SMARCA1: variants seen among roughly 807,000 people sequenced by gnomAD.
The protein encoded by SMARCA1 is SNF2 related chromatin remodeling ATPase 1, also known as SWI/SNF-related matrix-associated actin-dependent regulator of chromatin subfamily A member 1.
Under a neutral mutation model 93.6 loss-of-function variants are expected in SMARCA1, and 17 were observed. The ratio of observed to expected loss-of-function variants is 0.18; its 90% CI spans 0.12 to 0.27. SMARCA1 has a LOEUF of 0.27. Ranked by LOEUF, SMARCA1 falls within the 10% of genes least tolerant of loss-of-function variation. The probability of loss-of-function intolerance (pLI) is 1.00; values close to 1 mark genes in which losing one functional copy is unlikely to be tolerated. For synonymous variants in SMARCA1, 271 were observed against 271.4 expected (o/e 1.00, Z 0.01); for missense variants, 630 against 819.0 (o/e 0.77, Z 2.82).
chrX:129,516,711 C>G (rs1197044715), intron 2 of SMARCA1, among the ~76,000 whole-genome samples: 1 of 111,367 alleles, frequency 9.0e-6, no homozygotes, highest in African/African-American at 3.3e-5. Flanking sequence ...CAACCTTGCA[C>G]AGCTAATAAG....
At chrX:129,504,937 GCTA>G in intron 8 of SMARCA1, 135 bp from the exon 9 acceptor site, 1 of 434,459 alleles carries the variant, frequency 2.3e-6, no homozygotes, top group East Asian at 4.0e-5. Flanking sequence ...AGCTGTGATA[GCTA>G]CTATTATTTA....
Position 129,490,130 on chromosome X carries a change from G to T in SMARCA1, c.1878C>A (p.Asn626Lys), listed in dbSNP as rs759657628. The T allele has an allele frequency of 1.4e-5, 17 of 1,186,342 alleles. No homozygotes were observed. Among genetic ancestry groups the T allele is most frequent in the African/African-American group, 3.5e-5 (2 of 57,357 alleles). Residue 626 changes from asparagine to lysine, a missense_variant, in exon 15 of 25, where the codon AAC becomes AAA. By Grantham distance (94) the Asn-to-Lys change is moderately conservative. Coordinates refer to ENST00000371121, the MANE Select transcript of SMARCA1 (RefSeq NM_001282874.2). ...PVRVFRLITD[N>K]TVEERIVERA... ...TTTCTACAATCCTCTCTTCAACAGT[G>T]TTGTCAGTGATGAGACGGAATACAC...
intron 23 of SMARCA1, among the ~76,000 whole-genome samples, chrX:129,464,397 T>G (rs1327985023): frequency 1.8e-5 from 2 of 112,556 alleles, no homozygotes; most frequent in African/African-American, 6.5e-5. Context: ...TGGTTGCTTT[T>G]AATTTTTAGG....
At chrX:129,509,494 T>C (rs868594670) in intron 6 of SMARCA1, among the ~76,000 whole-genome samples, 1 of 111,655 alleles carries the variant, frequency 9.0e-6, no homozygotes, top group South Asian at 3.8e-4. Flanking sequence ...CCAGACCCCA[T>C]TCAGTCGTGC....
intron 5 of SMARCA1, among the ~76,000 whole-genome samples, chrX:129,513,534 T>TTA (rs60158529): frequency 4.9e-5 from 5 of 102,834 alleles, no homozygotes; most frequent in Admixed American, 1.1e-4. Context: ...CAAAAAAAAA[T>TTA]TATATATATA....
At chrX:129,500,146 G>T in intron 9 of SMARCA1, among the ~76,000 whole-genome samples, 1 of 106,169 alleles carries the variant, frequency 9.4e-6, no homozygotes. Context: ...AAAAGAAGCT[G>T]CTGTAACACA....
intron 12 of SMARCA1, among the ~76,000 whole-genome samples, chrX:129,494,961 C>CA (rs980991038): frequency 8.9e-6 from 1 of 112,345 alleles, no homozygotes; most frequent in African/African-American, 3.2e-5. Context: ...AAACTGATGA[C>CA]AAAAAAACAA....
intron 24 of SMARCA1, among the ~76,000 whole-genome samples, chrX:129,447,986 G>C (rs1158952174): frequency 1.8e-5 from 2 of 110,860 alleles, no homozygotes; most frequent in African/African-American, 6.6e-5. Context: ...AGAACTCCTA[G>C]TTTCAACTTC....
chrX:129,484,647 G>A (rs770512962), intron 17 of SMARCA1, among the ~76,000 whole-genome samples: 173 of 111,584 alleles, frequency 1.6e-3, no homozygotes, highest in African/African-American at 5.3e-3. Flanking sequence ...AGATAGAACT[G>A]GATTATAACT....
intron 23 of SMARCA1, among the ~76,000 whole-genome samples, chrX:129,448,748 G>GT (rs1932129199): frequency 2.8e-5 from 3 of 107,695 alleles, no homozygotes; most frequent in Non-Finnish European, 5.8e-5. Flanking sequence ...ATTATGCTAA[G>GT]TAAAAAAAAA....
chrX:129,494,524 C>A (rs760521656), intron 12 of SMARCA1, among the ~76,000 whole-genome samples: 5 of 111,435 alleles, frequency 4.5e-5, no homozygotes, highest in African/African-American at 1.6e-4. Context: ...ATGCTAGAAA[C>A]AGGCTTCAAT....
At chrX:129,501,487 G>A (rs1053152803) in intron 9 of SMARCA1, among the ~76,000 whole-genome samples, 1 of 108,198 alleles carries the variant, frequency 9.2e-6, no homozygotes. Context: ...GTAGAGATGA[G>A]GTTTCACCAT....
At chrX:129,478,550 T>G (rs1348593802) in intron 19 of SMARCA1, among the ~76,000 whole-genome samples, 2 of 110,927 alleles carry the variant, frequency 1.8e-5, no homozygotes, top group Non-Finnish European at 3.8e-5. Flanking sequence ...CATTCCTCCA[T>G]CTTCTGAGGT....
At chrX:129,496,999 G>A in intron 11 of SMARCA1, 128 bp from the exon 12 acceptor site, 3 of 421,032 alleles carry the variant, frequency 7.1e-6, no homozygotes, top group South Asian at 3.9e-5. Flanking sequence ...ACACACACGT[G>A]CACACACACA....
chrX:129,506,007 A>C, intron 8 of SMARCA1, 73 bp downstream of exon 8: 1 of 817,351 alleles, frequency 1.2e-6, no homozygotes, highest in Non-Finnish European at 1.7e-6. Context: ...CATAAATTTC[A>C]ATCTATAATG....
intron 9 of SMARCA1, among the ~76,000 whole-genome samples, chrX:129,503,783 G>A (rs1295347159): frequency 2.7e-5 from 3 of 109,774 alleles, no homozygotes; most frequent in African/African-American, 6.6e-5. Context: ...CCAACATGGT[G>A]AAAACCCGTC....
intron 5 of SMARCA1, among the ~76,000 whole-genome samples, chrX:129,514,814 C>A (rs1935135737): frequency 9.0e-6 from 1 of 110,848 alleles, no homozygotes; most frequent in African/African-American, 3.3e-5. Flanking sequence ...CTCTGGGAGG[C>A]CGAAGCAGGT....
intron 17 of SMARCA1, among the ~76,000 whole-genome samples, chrX:129,482,309 T>C (rs748800820): frequency 1.9e-5 from 2 of 107,644 alleles, no homozygotes; most frequent in Admixed American, 2.0e-4. Context: ...TGTGCACATG[T>C]ACCCTAAAAC....
chrX:129,452,764 G>GT (rs1245823966), intron 23 of SMARCA1, among the ~76,000 whole-genome samples: 2 of 111,959 alleles, frequency 1.8e-5, no homozygotes, highest in Admixed American at 9.5e-5. Flanking sequence ...AAGTACAGGC[G>GT]TATCTCGTTT....
Sources: gnomAD v4.1 joint callset for allele counts (sites outside exome capture counted in the v4.1 genomes callset) on GRCh38, gnomAD v4.1.1 for gene constraint, MANE v1.5 for transcripts, NCBI Gene and HGNC (gene_info 2026-07-23, HGNC 2026-07-21) for gene names.